Variants in SBNO2 observed in about 807,000 individuals in gnomAD.
SBNO2 encodes strawberry notch homolog 2, also known as protein strawberry notch homolog 2.
Under a neutral mutation model 146.3 loss-of-function variants are expected in SBNO2, and 89 were observed. The observed-to-expected ratio is 0.61, with a 90% CI of 0.51 to 0.73. SBNO2 has a LOEUF of 0.73. Among genes scored for constraint, SBNO2 ranks in the 30% least tolerant of loss-of-function variants. The pLI, the probability that SBNO2 is intolerant of heterozygous loss-of-function variation, is 0.00. For synonymous variants in SBNO2, 1,147 were observed against 892.6 expected (o/e 1.29, Z -5.08); for missense variants, 2,092 against 2,003.7 (o/e 1.04, Z -0.84).
At chr19:1,147,846 C>A (rs1210638716) in intron 3 of SBNO2, among the ~76,000 whole-genome samples, 2 of 152,126 alleles carry the variant, frequency 1.3e-5, no homozygotes, top group African/African-American at 4.8e-5. Flanking sequence ...CGGGCAGAAA[C>A]CCAGGATCAC....
Position 1,108,268 on chromosome 19 carries a change from G to C in SBNO2, c.4053C>G (p.Ser1351Arg), listed in dbSNP as rs1568543861. ...GAAGGGPERQ[S>R]VIQFSPPFPG... ...GGAAGGGTGGGCTGAACTGGATCAC[G>C]CTCTGCCGCTCGGGACCACCGCCCG... is the stretch of plus-strand genomic sequence containing the variant. Residue 1351 changes from serine to arginine, a missense_variant, in exon 32 of 32, where the codon AGC (serine) becomes AGG (arginine). Physicochemically the swap from Ser to Arg is moderately radical, Grantham distance 110. Transcript: ENST00000361757. The C allele has an allele frequency of 2.0e-6, 3 of 1,519,888 alleles. No homozygotes were observed. Among genetic ancestry groups the C allele is most frequent in the Admixed American group, 2.0e-5 (1 of 49,382 alleles). The allele number at this position is 1,519,888 out of a possible 1,614,324, so 94.2% of individuals were successfully genotyped here. A position where few individuals can be genotyped will look rare whatever the true frequency, so the allele number is the denominator to read the frequency against.
chr19:1,151,755 C>T (rs1159241282), intron 2 of SBNO2, among the ~76,000 whole-genome samples: 2 of 152,192 alleles, frequency 1.3e-5, no homozygotes, highest in African/African-American at 4.8e-5. Flanking sequence ...CTCCACCTCC[C>T]GAGTTCAAGC....
intron 16 of SBNO2, 82 bp from the exon 17 acceptor site, chr19:1,116,185 TG>T: frequency 7.9e-7 from 1 of 1,267,536 alleles, no homozygotes. Context: ...GACGCACCCC[TG>T]GGTCCCTGTG....
At position 1,108,187 on chromosome 19, in the gene SBNO2, T is replaced by A; in HGVS notation, c.*33A>T. Reference sequence around the variant, plus strand: ...CTGCTCCTAGGGGAGAAACGGTCCCTGTGTCTTGGGGCATGTTTCGCCTAA... The same window carrying A: ...CTGCTCCTAGGGGAGAAACGGTCCCAGTGTCTTGGGGCATGTTTCGCCTAA... On this transcript the variant is annotated 3_prime_UTR_variant, in exon 32 of 32. Transcript: ENST00000361757. 6.6e-7 allele frequency: 1 copy of A among 1,509,478 alleles called. No individual in the cohort carries two copies. The allele number at this position is 1,509,478 out of a possible 1,614,324, so 93.5% of individuals were successfully genotyped here. A position where few individuals can be genotyped will look rare whatever the true frequency, so the allele number is the denominator to read the frequency against.
chr19:1,162,384 C>T (rs1387928930), intron 1 of SBNO2, among the ~76,000 whole-genome samples: 2 of 149,586 alleles, frequency 1.3e-5, no homozygotes, highest in Non-Finnish European at 3.0e-5. Context: ...GGCGTGAACC[C>T]GGGAGGCGGC....
chr19:1,115,960 GC>G, intron 17 of SBNO2, 60 bp downstream of exon 17: 3 of 1,054,846 alleles, frequency 2.8e-6, no homozygotes, highest in Non-Finnish European at 3.7e-6. Context: ...CGACCAGCCA[GC>G]CCCCGGGGGG....
In SBNO2 at chr19:1,108,640, G is replaced by C. The variant is rs574425907; in HGVS notation, c.3681C>G (p.Asp1227Glu). Reference sequence around the variant, plus strand: ...GGGCGGGCGCCTGCCTGCGCTTCACGTCCGCATCCATCAGCCGCAGCTCCT... The same window carrying C: ...GGGCGGGCGCCTGCCTGCGCTTCACCTCCGCATCCATCAGCCGCAGCTCCT... ...VLQELRLMDA[D>E]VKRRQAPALG... is the part of the protein sequence containing the mutation. The change falls in exon 32 of 32, where the codon GAC becomes GAG. Residue 1227 changes from aspartate to glutamate, a missense_variant. Coordinates refer to ENST00000361757, the MANE Select transcript of SBNO2 (RefSeq NM_014963.3). 4.0e-6 allele frequency: 6 copies of C among 1,506,728 alleles called. No homozygotes were observed. The highest frequency in any genetic ancestry group is 1.4e-5 in the African/African-American group (1 of 69,434). The allele number at this position is 1,506,728 out of a possible 1,614,324, so 93.3% of individuals were successfully genotyped here.
At position 1,112,370 on chromosome 19, in the gene SBNO2, C is replaced by A; in HGVS notation, c.2515+32G>T. 1 of 1,576,756 alleles carries A rather than the reference C, an allele frequency of 6.3e-7. No individual in the cohort carries two copies. On this transcript the variant is annotated intron_variant, in intron 21 of 31. Coordinates refer to ENST00000361757, the MANE Select transcript of SBNO2 (RefSeq NM_014963.3). The surrounding 1 kb of genome is among the most constrained non-coding windows in gnomAD (Gnocchi z 5.9). The stretch of plus-strand genomic sequence containing the variant: ...GGCCGAGACCATGTTGGGGGCGGGG[C>A]CAGGCAGCGCTGGGGGCGGGGCCGG...
rs959233870 is a variant in SBNO2 at position 1,173,700 on chromosome 19, C to T, written c.-127+472G>A. On this transcript the variant is annotated intron_variant, in intron 1 of 31. Transcript: ENST00000361757. This position sits in a 1 kb window ranked among gnomAD's most constrained non-coding sequence, Gnocchi z 4.7. The stretch of plus-strand genomic sequence containing the variant: ...TCACGAGGCGCATGGAGTCGAGAGT[C>T]CCCAAAAGGGAAGGCCAGGATACCG... The T allele has an allele frequency of 6.6e-6, 1 of 152,142 alleles. No individual in the cohort carries two copies. Among genetic ancestry groups the T allele is most frequent in the African/African-American group, 2.4e-5 (1 of 41,326 alleles). The allele number at this position is 152,142 out of a possible 1,614,324, so 9.4% of individuals were successfully genotyped here.
At position 1,128,368 on chromosome 19, in the gene SBNO2, C is replaced by T. The variant is rs116327096; in HGVS notation, c.280-603G>A. 2,480 of 336,480 alleles carry T rather than the reference C, an allele frequency of 7.4e-3. 55 individuals are homozygous for T. Among genetic ancestry groups the T allele is most frequent in the African/African-American group, 0.051 (2,295 of 45,016 alleles). The allele number at this position is 336,480 out of a possible 1,614,324, so 20.8% of individuals were successfully genotyped here. On this transcript the variant is annotated intron_variant, in intron 4 of 31. Transcript: ENST00000361757. ...GGATGACACACACACACGCGCTGCCCAGTGAAGGAGATGTATGTACATCAT... is the reference window on the plus strand; with the variant it reads ...GGATGACACACACACACGCGCTGCCTAGTGAAGGAGATGTATGTACATCAT...
intron 11 of SBNO2, among the ~76,000 whole-genome samples, chr19:1,120,826 G>A (rs1013041562): frequency 6.6e-6 from 1 of 151,912 alleles, no homozygotes; most frequent in Non-Finnish European, 1.5e-5. Context: ...GCGCCACCAC[G>A]CCCGGGTAAT....
chr19:1,137,039 C>A (rs976649585), intron 4 of SBNO2, among the ~76,000 whole-genome samples: 1 of 149,960 alleles, frequency 6.7e-6, no homozygotes, highest in African/African-American at 2.5e-5. Context: ...AGCAGAGACG[C>A]AAGGGATCTG....
chr19:1,132,254 G>A lies in SBNO2; in HGVS notation c.280-4489C>T, dbSNP rs889646738. ...CCGGGGCGGACGGGGGCGGCTCTCC[G>A]CCCGGCTGCATTTGCATGTCGGTTT... is the stretch of plus-strand genomic sequence containing the variant. On this transcript the variant is annotated intron_variant, in intron 4 of 31. Transcript: ENST00000361757. 1.1e-5 allele frequency: 14 copies of A among 1,311,076 alleles called. No homozygotes were observed. The Admixed American group carries it at 2.0e-4, about 19-fold the overall frequency. The allele number at this position is 1,311,076 out of a possible 1,614,324, so 81.2% of individuals were successfully genotyped here.
chr19:1,111,709 C>G, intron 23 of SBNO2, 95 bp from the exon 24 acceptor site: 1 of 928,718 alleles, frequency 1.1e-6, no homozygotes, highest in South Asian at 1.5e-5. Context: ...CCCCTAGGCC[C>G]CTGGACCCTG....
chr19:1,151,724 A>G (rs2145309391), intron 2 of SBNO2, among the ~76,000 whole-genome samples: 1 of 152,254 alleles, frequency 6.6e-6, no homozygotes, highest in Non-Finnish European at 1.5e-5. Flanking sequence ...GTGCAGTGGC[A>G]CGATCGTGGC....
intron 1 of SBNO2, among the ~76,000 whole-genome samples, chr19:1,166,724 C>T (rs986989783): frequency 3.9e-5 from 6 of 152,174 alleles, no homozygotes; most frequent in Non-Finnish European, 8.8e-5. Flanking sequence ...ACCTACACGT[C>T]TTTTTCTCCT....
rs1313115876 is a variant in SBNO2, at chr19:1,126,677, C to T, written c.441+927G>A. ...GCCCCTTCCTGAGGGCCCGGGAGAG[C>T]GGCCTATGGGTGTGAGCCCACCACT... On this transcript the variant is annotated intron_variant, in intron 5 of 31. Coordinates refer to ENST00000361757, the MANE Select transcript of SBNO2 (RefSeq NM_014963.3). This position sits in a 1 kb window ranked among gnomAD's most constrained non-coding sequence, Gnocchi z 4.4. Among the ~76,000 whole-genome samples, 2 of 152,162 alleles carry T rather than the reference C, an allele frequency of 1.3e-5. No individual in the cohort carries two copies.
In SBNO2 at chr19:1,113,672, C is replaced by T. The variant is rs2079795858; in HGVS notation, c.2110G>A (p.Gly704Ser). The change falls in exon 19 of 32, where the codon GGC becomes AGC. Residue 704 changes from glycine to serine, a missense_variant. By Grantham distance (56) the Gly-to-Ser change is moderately conservative. Transcript: ENST00000361757. ...TCCACCCGCTCCAGGACCCCGGGGC[C>T]ATGCGGGTCTCTCTGCAGGAGGCAC... ...PLCLLQRDPH[G>S]PGVLERVERL... is the part of the protein sequence containing the mutation. 6.3e-7 allele frequency: 1 copy of T among 1,592,370 alleles called. No individual in the cohort carries two copies. Among genetic ancestry groups the T allele is most frequent in the South Asian group, 1.1e-5 (1 of 89,118 alleles).
intron 1 of SBNO2, among the ~76,000 whole-genome samples, chr19:1,159,183 G>A (rs1017863017): frequency 1.3e-5 from 2 of 150,890 alleles, no homozygotes; most frequent in Non-Finnish European, 2.9e-5. Flanking sequence ...TCGCATCCTA[G>A]GACCGGGTGC....
Sources: allele counts gnomAD v4.1 joint callset (sites outside exome capture counted in the v4.1 genomes callset), GRCh38; gene constraint gnomAD v4.1.1; non-coding constraint Gnocchi (gnomAD v3.1); transcripts MANE v1.5; gene names NCBI Gene and HGNC (gene_info 2026-07-23, HGNC 2026-07-21).